CEMIP2: variants seen among roughly 807,000 people sequenced by gnomAD.
The protein encoded by CEMIP2 is cell surface hyaluronidase CEMIP2.
Under a neutral mutation model 146.9 loss-of-function variants are expected in CEMIP2, and 79 were observed. The observed-to-expected ratio is 0.54, with a 90% CI of 0.45 to 0.65. The LOEUF (loss-of-function observed/expected upper bound fraction) is 0.65, where lower values mean the gene tolerates loss of function less well. Ranked by LOEUF, CEMIP2 falls within the 30% of genes least tolerant of loss-of-function variation. The pLI is 0.00. For missense variants in CEMIP2, 1,596 were observed against 1,696.2 expected (o/e 0.94, Z 1.04); for synonymous variants, 601 against 606.3 (o/e 0.99, Z 0.13).
chr9:71,758,611 C>T (rs146432698), intron 1 of CEMIP2, among the ~76,000 whole-genome samples: 80 of 152,210 alleles, frequency 5.3e-4, no homozygotes, highest in Middle Eastern at 3.4e-3. Context: ...AGAGGAGAGA[C>T]GGCAAATGTC....
intron 18 of CEMIP2, among the ~76,000 whole-genome samples, chr9:71,703,399 C>T (rs976223074): frequency 3.9e-5 from 6 of 152,320 alleles, no homozygotes; most frequent in African/African-American, 1.2e-4. Flanking sequence ...GCTCAGAGCA[C>T]ATGCCAGAGC....
rs1823875848 is a variant in CEMIP2, at chr9:71,740,226, A to G, written c.1041T>C (p.Ala347=). 1 of 1,613,164 alleles carries G rather than the reference A, an allele frequency of 6.2e-7. No individual in the cohort carries two copies. Among genetic ancestry groups the G allele is most frequent in the Non-Finnish European group, 8.5e-7 (1 of 1,179,948 alleles). The part of the protein sequence containing the change: ...ELIQGLGYRQ[A]WALVGVIDGG... ...CATCAATGACACCAACTAAAGCCCA[A>G]GCTTGCCTAGAAGGAAAAAGAGCAT... The change falls in exon 5 of 24, where the codon GCT becomes GCC. Residue 347 remains alanine (A), a synonymous_variant. Transcript: ENST00000377044.
chr9:71,728,280 T>TATATACACGTATATATATATATATAC lies in CEMIP2; in HGVS notation c.2049+1564_2049+1565insGTATATATATATATATACGTGTATAT, dbSNP rs1491467360. Among the ~76,000 whole-genome samples, 18 of 12,652 alleles carry TATATACACGTATATATATATATATAC rather than the reference T, an allele frequency of 1.4e-3. 8 individuals are homozygous for TATATACACGTATATATATATATATAC. Among genetic ancestry groups the TATATACACGTATATATATATATATAC allele is most frequent in the South Asian group, 3.4e-3 (1 of 298 alleles). The allele number at this position is 12,652 out of a possible 152,430, so 8.3% of individuals were successfully genotyped here. A position where few individuals can be genotyped will look rare whatever the true frequency, so the allele number is the denominator to read the frequency against. The stretch of plus-strand genomic sequence containing the variant: ...ATACACGTATATATATATATATATA[T>TATATACACGTATATATATATATATAC]GTATATATATATATATATATACATA... On this transcript the variant is annotated intron_variant, in intron 10 of 23. Transcript: ENST00000377044.
chr9:71,693,592 G>T (rs1270774177), intron 21 of CEMIP2, among the ~76,000 whole-genome samples: 1 of 152,136 alleles, frequency 6.6e-6, no homozygotes, highest in Non-Finnish European at 1.5e-5. Context: ...TAAGGTTAAT[G>T]AATAAACACA....
intron 21 of CEMIP2, among the ~76,000 whole-genome samples, chr9:71,691,942 C>T (rs1424910483): frequency 6.6e-6 from 1 of 152,016 alleles, no homozygotes; most frequent in African/African-American, 2.4e-5. Context: ...AACCCCATCT[C>T]TACTAAAAAT....
Position 71,716,497 on chromosome 9 carries a change from AT to A in CEMIP2, c.2435+19del. 1 of 1,566,126 alleles carries A rather than the reference AT, an allele frequency of 6.4e-7. No individual in the cohort carries two copies. The highest frequency in any genetic ancestry group is 1.9e-5 in the Admixed American group (1 of 53,628). On this transcript the variant is annotated intron_variant, in intron 14 of 23. Coordinates refer to ENST00000377044, the MANE Select transcript of CEMIP2 (RefSeq NM_013390.3). ...TTTTAAAGCTTTAAAATAAGTAAGT[AT>A]TTTTAAGCAATTACAAACCTGGCAA...
Position 71,730,226 on chromosome 9 carries a change from G to C in CEMIP2, c.1801C>G (p.Leu601Val), listed in dbSNP as rs139672087. The change falls in exon 9 of 24, where the codon CTA (leucine) becomes GTA (valine). Residue 601 changes from leucine to valine, a missense_variant. By Grantham distance (32) the Leu-to-Val change is conservative. Transcript: ENST00000377044. ...TCTTCCAAAAAGAAACAATGACCTA[G>C]TGTGTCAAACCCAATGGTGTCTTTT... is the stretch of plus-strand genomic sequence containing the variant. ...LIKDTIGFDT[L>V]GHCFFLEDGI... is the part of the protein sequence containing the mutation. 6.2e-6 allele frequency: 10 copies of C among 1,614,008 alleles called. No individual in the cohort carries two copies.
intron 22 of CEMIP2, among the ~76,000 whole-genome samples, chr9:71,687,964 T>C (rs1307331247): frequency 6.6e-6 from 1 of 152,206 alleles, no homozygotes; most frequent in Non-Finnish European, 1.5e-5. Context: ...TCAAGGGATC[T>C]TCCTGTCCTA....
At position 71,706,444 on chromosome 9, in the gene CEMIP2, T is replaced by C. The variant is rs537520979; in HGVS notation, c.2986-1641A>G. ...TGGTCCATAGTCCTACGATTCCCAG[T>C]GCCCCCTGAGGAGTATTAGATGACT... On this transcript the variant is annotated intron_variant, in intron 17 of 23. Transcript: ENST00000377044. 6.2e-4 allele frequency among the ~76,000 whole-genome samples: 95 copies of C among 152,254 alleles called. No homozygotes were observed. The Middle Eastern group carries it at 0.02, about 33-fold the overall frequency.
At chr9:71,732,864 C>T (rs1017475487) in intron 6 of CEMIP2, among the ~76,000 whole-genome samples, 7 of 151,940 alleles carry the variant, frequency 4.6e-5, no homozygotes, top group African/African-American at 1.7e-4. Flanking sequence ...TCTAGTCCAG[C>T]CCCCACCCAC....
intron 21 of CEMIP2, among the ~76,000 whole-genome samples, 165 bp from the exon 22 acceptor site, chr9:71,690,411 T>C (rs1474380177): frequency 1.3e-5 from 2 of 152,230 alleles, no homozygotes; most frequent in African/African-American, 2.4e-5. Context: ...CCATCTGAAA[T>C]TGCGTCTGTG....
At chr9:71,725,087 G>C (rs1708979853) in intron 11 of CEMIP2, among the ~76,000 whole-genome samples, 1 of 152,182 alleles carries the variant, frequency 6.6e-6, no homozygotes, top group South Asian at 2.1e-4. Flanking sequence ...TGAACAGGGA[G>C]GGGTTAGGTG....
chr9:71,711,934 G>T, intron 16 of CEMIP2, 149 bp downstream of exon 16: 1 of 748,246 alleles, frequency 1.3e-6, no homozygotes, highest in Non-Finnish European at 2.1e-6. Flanking sequence ...ATGGGAGAGA[G>T]TGCATGGAAT....
At chr9:71,689,438 C>T (rs1822162762) in intron 22 of CEMIP2, among the ~76,000 whole-genome samples, 1 of 152,238 alleles carries the variant, frequency 6.6e-6, no homozygotes, top group African/African-American at 2.4e-5. Context: ...GGCAGGGTCT[C>T]ACCAACCCAG....
At chr9:71,757,226 T>C (rs1824487318) in intron 1 of CEMIP2, among the ~76,000 whole-genome samples, 1 of 152,144 alleles carries the variant, frequency 6.6e-6, no homozygotes, top group Non-Finnish European at 1.5e-5. Context: ...CTAATGAAAA[T>C]ACAATACTTT....
At chr9:71,703,391 T>C (rs1254569132) in intron 18 of CEMIP2, among the ~76,000 whole-genome samples, 2 of 152,108 alleles carry the variant, frequency 1.3e-5, no homozygotes, top group Non-Finnish European at 2.9e-5. Flanking sequence ...ACGGTTCAGC[T>C]CAGAGCACAT....
chr9:71,742,304 T>C (rs1823945419), intron 4 of CEMIP2, among the ~76,000 whole-genome samples: 1 of 152,208 alleles, frequency 6.6e-6, no homozygotes, highest in East Asian at 1.9e-4. Context: ...CAATATATTA[T>C]CTCCTATTTG....
intron 10 of CEMIP2, among the ~76,000 whole-genome samples, chr9:71,728,231 C>CTCTCTATATA (rs1554684626): frequency 2.7e-4 from 4 of 14,774 alleles, no homozygotes; most frequent in Admixed American, 1.3e-3. Context: ...CTCTCTCTCT[C>CTCTCTATATA]TATATATATA....
At position 71,709,309 on chromosome 9, in the gene CEMIP2, C is replaced by A. The variant is rs1362455697; in HGVS notation, c.2935G>T (p.Val979Leu). Reference protein sequence around the residue: ...DNYLIRHPSCVNVSKWNAVIC... With the variant: ...DNYLIRHPSCLNVSKWNAVIC... ...ACTGCATTCCACTTAGACACATTTA[C>A]ACAGCTTGGATGGCGGATCAGGTAG... Residue 979 changes from valine to leucine, a missense_variant, in exon 17 of 24, where the codon GTA becomes TTA. Coordinates refer to ENST00000377044, the MANE Select transcript of CEMIP2 (RefSeq NM_013390.3). 1.2e-6 allele frequency: 2 copies of A among 1,614,208 alleles called. No homozygotes were observed. The highest frequency in any genetic ancestry group is 1.7e-6 in the Non-Finnish European group (2 of 1,180,026).
Sources: gnomAD v4.1 joint callset for allele counts (sites outside exome capture counted in the v4.1 genomes callset) on GRCh38, gnomAD v4.1.1 for gene constraint, MANE v1.5 for transcripts, NCBI Gene and HGNC (gene_info 2026-07-23, HGNC 2026-07-21) for gene names.